The following HEATR6 variants were observed in gnomAD, a reference collection of about 807,000 sequenced individuals.
HEATR6 encodes the protein HEAT repeat-containing protein 6.
In HEATR6, 106 loss-of-function variants were observed where a neutral mutation model predicts 132.8. The ratio of observed to expected loss-of-function variants is 0.80; its 90% confidence interval spans 0.68 to 0.94. The LOEUF is 0.94. Among genes scored for constraint, HEATR6 ranks in the 40% least tolerant of loss-of-function variants. HEATR6 has a pLI of 0.00. For synonymous variants in HEATR6, 529 were observed against 537.8 expected, an observed-to-expected ratio of 0.98 and a Z score of 0.23; for missense variants, 1,339 against 1,425.1, an observed-to-expected ratio of 0.94 and a Z score of 0.97.
At chr17:60,061,784 C>T (rs568723123) in intron 9 of HEATR6, among the ~76,000 whole-genome samples, 13 of 152,390 alleles carry the variant, frequency 8.5e-5, no homozygotes, top group African/African-American at 2.4e-4. Flanking sequence ...ATTTGCCCTA[C>T]GGGCCACAGC....
Position 60,050,948 on chromosome 17 carries a change from G to C in HEATR6, c.2319C>G (p.Asn773Lys), listed in dbSNP as rs780537093. 6.2e-7 allele frequency: 1 copy of C among 1,614,144 alleles called. No homozygotes were observed. ...TCTGCAGGGCTCTGGGTAAAGGACC[G>C]TTCAGCATCATAGTCCAGAACATCA... ...LVVMFWTMML[N>K]GPLPRALQNS... is the part of the protein sequence containing the mutation. Residue 773 changes from asparagine (N) to lysine (K), a missense_variant, in exon 15 of 20, where the codon AAC becomes AAG. Physicochemically the swap from Asn to Lys is moderately conservative, Grantham distance 94. Transcript: ENST00000184956.
At chr17:60,063,947 T>C (rs139872251) in intron 9 of HEATR6, 2 of 152,318 alleles carry the variant, frequency 1.3e-5, no homozygotes, top group Admixed American at 6.5e-5. Flanking sequence ...TGCTGTTCCA[T>C]TCTAATTACA....
In HEATR6 at chr17:60,050,173, C is replaced by T. The variant is rs1411757364; in HGVS notation, c.2425-471G>A. ...GAGCCCTCATGAAAGAGATTAGTGC[C>T]CTTATGATTGAGGCCCCAGAAAGCT... is the stretch of plus-strand genomic sequence containing the variant. On this transcript the variant is annotated intron_variant, in intron 15 of 19. Coordinates refer to ENST00000184956, the MANE Select transcript of HEATR6 (RefSeq NM_022070.5). Among the ~76,000 whole-genome samples, 4 of 152,156 alleles carry T rather than the reference C, an allele frequency of 2.6e-5. No homozygotes were observed. In the East Asian group the frequency reaches 7.7e-4, roughly 29 times the overall value.
Position 60,073,167 on chromosome 17 carries a change from A to G in HEATR6, c.581T>C (p.Leu194Pro). 1.3e-6 allele frequency: 2 copies of G among 1,582,106 alleles called. No homozygotes were observed. The highest frequency in any genetic ancestry group is 2.2e-5 in the South Asian group (2 of 90,436). The part of the protein sequence containing the change: ...AAVHCMANLC[L>P]SVPGQPYLEE... ...AAACTTGACTGGAGCCACATACCTG[A>G]GACATAAGTTTGCCATACAATGTAC... Residue 194 changes from leucine (L) to proline (P), a missense_variant, in exon 4 of 20, where the codon CTC becomes CCC. Coordinates refer to ENST00000184956, the MANE Select transcript of HEATR6 (RefSeq NM_022070.5).
rs771790338 is a variant in HEATR6, at chr17:60,046,003, G to C, written c.2974+22C>G. 6 of 1,552,030 alleles carry C rather than the reference G, an allele frequency of 3.9e-6. No individual in the cohort carries two copies. The East Asian group carries it at 1.3e-4, about 35-fold the overall frequency. On this transcript the variant is annotated intron_variant, in intron 19 of 19. Transcript: ENST00000184956. ...GTGTCCCAAGAGGCTTTCCACCAGGGAGTGAAGGGAAACTTTCTTACCTAA... is the reference window on the plus strand; with the variant it reads ...GTGTCCCAAGAGGCTTTCCACCAGGCAGTGAAGGGAAACTTTCTTACCTAA...
At position 60,057,067 on chromosome 17, in the gene HEATR6, A is replaced by G. The variant is rs749830631; in HGVS notation, c.2060T>C (p.Met687Thr). 7.5e-6 allele frequency: 12 copies of G among 1,602,058 alleles called. No homozygotes were observed. In the Admixed American group the frequency reaches 1.7e-4, roughly 23 times the overall value. Residue 687 changes from methionine to threonine, a missense_variant, in exon 12 of 20, where the codon ATG (methionine) becomes ACG (threonine). Coordinates refer to ENST00000184956, the MANE Select transcript of HEATR6 (RefSeq NM_022070.5). ...TCCTACCTGTAAGGCCTCCAGTCGC[A>G]TGGGGGATGGTTCGTAGGTGCTTCC... Reference protein sequence around the residue: ...AAGSTYEPSPMRLEALQVLTL... With the variant: ...AAGSTYEPSPTRLEALQVLTL...
At chr17:60,067,234 C>T (rs552784133) in intron 8 of HEATR6, among the ~76,000 whole-genome samples, 200 bp downstream of exon 8, 31 of 141,690 alleles carry the variant, frequency 2.2e-4, no homozygotes, top group African/African-American at 7.2e-4. Flanking sequence ...CCCGCCACTG[C>T]ACTCCAGCCT....
intron 9 of HEATR6, among the ~76,000 whole-genome samples, chr17:60,060,988 T>C (rs1448614177): frequency 6.6e-6 from 1 of 152,202 alleles, no homozygotes; most frequent in Non-Finnish European, 1.5e-5. Flanking sequence ...ACTCAGATGA[T>C]TTTGTAGTAT....
At chr17:60,059,583 T>C in intron 10 of HEATR6, 62 bp from the exon 11 acceptor site, 1 of 1,144,774 alleles carries the variant, frequency 8.7e-7, no homozygotes, top group Non-Finnish European at 1.3e-6. Context: ...AGAACAAATT[T>C]TGCAGCATTT....
intron 8 of HEATR6, among the ~76,000 whole-genome samples, chr17:60,067,085 A>T (rs2083244965): frequency 6.6e-6 from 1 of 151,700 alleles, no homozygotes; most frequent in African/African-American, 2.4e-5. Context: ...CCCGGCTAAA[A>T]CGGTGAAACC....
chr17:60,043,774 G>C lies in HEATR6; in HGVS notation c.3335C>G (p.Ser1112Ter), dbSNP rs759180264. The C allele has an allele frequency of 1.2e-6, 2 of 1,613,990 alleles. No individual in the cohort carries two copies. The highest frequency in any genetic ancestry group is 2.7e-5 in the African/African-American group (2 of 74,892). ...TCCAGTGTCATCTCCCTCTGCTCCTGATTTTAAAAACTGTAGAATATAGGA... is the reference window on the plus strand; with the variant it reads ...TCCAGTGTCATCTCCCTCTGCTCCTCATTTTAAAAACTGTAGAATATAGGA... ...VQSYILQFLK[S>*]GAEGDDTGAP... Residue 1112 changes from serine (S) to a stop codon, truncating the protein, a stop_gained, in exon 20 of 20, where the codon TCA becomes TGA. Coordinates refer to ENST00000184956, the MANE Select transcript of HEATR6 (RefSeq NM_022070.5). LOFTEE classifies it high-confidence loss of function.
chr17:60,056,439 C>T (rs559190639), intron 12 of HEATR6, among the ~76,000 whole-genome samples: 22 of 152,218 alleles, frequency 1.4e-4, no homozygotes, highest in African/African-American at 4.8e-4. Context: ...TATATGATTG[C>T]TTTTCATTAA....
At position 60,067,489 on chromosome 17, in the gene HEATR6, T is replaced by C. The variant is rs2145197372; in HGVS notation, c.1183A>G (p.Ser395Gly). 2 of 1,603,950 alleles carry C rather than the reference T, an allele frequency of 1.2e-6. No homozygotes were observed. Among genetic ancestry groups the C allele is most frequent in the Middle Eastern group, 1.7e-4 (1 of 5,994 alleles). ...SFSSSSWKRV[S>G]SSESDFSDAE... ...TCAGAAAAGTCTGACTCACTACTGC[T>C]GACCCTTTTCCAACTGGAAGAACTG... The change falls in exon 8 of 20, where the codon AGC becomes GGC. Residue 395 changes from serine (S) to glycine (G), a missense_variant. Transcript: ENST00000184956.
Position 60,066,367 on chromosome 17 carries a change from G to T in HEATR6, c.1258C>A (p.Arg420Ser), listed in dbSNP as rs150364683. 4 of 1,609,738 alleles carry T rather than the reference G, an allele frequency of 2.5e-6. No individual in the cohort carries two copies. The highest frequency in any genetic ancestry group is 3.4e-6 in the Non-Finnish European group (4 of 1,178,606). Residue 420 changes from arginine to serine, a missense_variant, in exon 9 of 20, where the codon CGC (arginine) becomes AGC (serine). Arg to Ser is a moderately radical substitution (Grantham distance 110). Coordinates refer to ENST00000184956, the MANE Select transcript of HEATR6 (RefSeq NM_022070.5). ...SKMRSYQAKV[R>S]QGALVCFLST... Reference sequence around the variant, plus strand: ...AGAAAACAAACTAAGGCTCCTTGGCGAACTTTAGCTTGGTAAGACCTTTCA... The same window carrying T: ...AGAAAACAAACTAAGGCTCCTTGGCTAACTTTAGCTTGGTAAGACCTTTCA...
intron 4 of HEATR6, among the ~76,000 whole-genome samples, 171 bp downstream of exon 4, chr17:60,072,993 A>G (rs2145201737): frequency 6.6e-6 from 1 of 152,332 alleles, no homozygotes; most frequent in South Asian, 2.1e-4. Context: ...TACAAGCAAT[A>G]CTAAAATTAA....
At chr17:60,075,294 T>G (rs538869806) in intron 2 of HEATR6, among the ~76,000 whole-genome samples, 1 of 152,290 alleles carries the variant, frequency 6.6e-6, no homozygotes, top group South Asian at 2.1e-4. Flanking sequence ...AAGATGAGCC[T>G]CTTATTATTA....
At chr17:60,069,215 A>G (rs1043058131) in intron 7 of HEATR6, among the ~76,000 whole-genome samples, 1 of 152,244 alleles carries the variant, frequency 6.6e-6, no homozygotes, top group Non-Finnish European at 1.5e-5. Context: ...CTAACAGTCT[A>G]GAGTGGGGTT....
Position 60,046,083 on chromosome 17 carries a change from G to C in HEATR6, c.2916C>G (p.Val972=). 1 of 1,614,058 alleles carries C rather than the reference G, an allele frequency of 6.2e-7. No homozygotes were observed. The highest frequency in any genetic ancestry group is 8.5e-7 in the Non-Finnish European group (1 of 1,179,976). ...CCATTGCATAACAAGCATTCCATCG[G>C]ACTTTCATGGCAGCTTCTGTTAGAA... is the stretch of plus-strand genomic sequence containing the variant. ...STVLTEAAMK[V]RWNACYAMGN... The change falls in exon 19 of 20, where the codon GTC becomes GTG. Residue 972 remains valine (V), a synonymous_variant. Coordinates refer to ENST00000184956, the MANE Select transcript of HEATR6 (RefSeq NM_022070.5).
At chr17:60,068,117 G>T (rs1191884564) in intron 7 of HEATR6, among the ~76,000 whole-genome samples, 1 of 152,134 alleles carries the variant, frequency 6.6e-6, no homozygotes, top group Admixed American at 6.5e-5. Context: ...TTCTCAACTG[G>T]AATTTCTCAA....
Sources: gnomAD v4.1 joint callset for allele counts (sites outside exome capture counted in the v4.1 genomes callset) on GRCh38, gnomAD v4.1.1 for gene constraint, MANE v1.5 for transcripts, NCBI Gene and HGNC (gene_info 2026-07-23, HGNC 2026-07-21) for gene names.